FLYWCH1: variants seen among roughly 807,000 people sequenced by gnomAD.
FLYWCH1 encodes the protein FLYWCH-type zinc finger 1, also known as FLYWCH-type zinc finger-containing protein 1.
A neutral mutation model predicts 66.4 loss-of-function variants in FLYWCH1; 75 were observed. That is an observed-to-expected ratio of 1.13 (90% CI 0.94 to 1.37). The LOEUF is 1.37. FLYWCH1 is among the 40% of genes most tolerant of loss of function. The pLI, the probability that FLYWCH1 is intolerant of heterozygous loss-of-function variation, is 0.00. For missense variants in FLYWCH1, 1,334 were observed against 1,001.8 expected (o/e 1.33, Z -4.48); for synonymous variants, 595 against 429.9 (o/e 1.38, Z -4.75).
chr16:2,940,177 C>A, intron 9 of FLYWCH1, 85 bp downstream of exon 9: 1 of 722,954 alleles, frequency 1.4e-6, no homozygotes, highest in Non-Finnish European at 2.5e-6. Flanking sequence ...GCTGTCTCAG[C>A]TTTTGTGGGT....
intron 9 of FLYWCH1, chr16:2,943,426 G>C (rs1169190889): frequency 6.6e-6 from 1 of 151,638 alleles, no homozygotes; most frequent in Non-Finnish European, 1.5e-5. Flanking sequence ...TATGATGGTA[G>C]GCTAAGTCCT....
At position 2,949,753 on chromosome 16, in the gene FLYWCH1, G is replaced by C. The variant is rs1232788284; in HGVS notation, c.*1026G>C. On this transcript the variant is annotated 3_prime_UTR_variant, in exon 10 of 10. Transcript: ENST00000253928. ...TGCACTGCAAGGCTGTGACAGCCTG[G>C]GCACCCCTGCTTCTCCTCTGCTTGT... is the stretch of plus-strand genomic sequence containing the variant. 3 of 152,044 alleles carry C rather than the reference G, an allele frequency of 2.0e-5. No homozygotes were observed. Among genetic ancestry groups the C allele is most frequent in the Non-Finnish European group, 2.9e-5 (2 of 68,056 alleles). 9.4% of individuals were successfully genotyped at this position (152,044 alleles called of 1,614,324 possible).
intron 9 of FLYWCH1, among the ~76,000 whole-genome samples, chr16:2,945,714 G>C (rs1409017156): frequency 6.6e-6 from 1 of 150,836 alleles, no homozygotes; most frequent in African/African-American, 2.4e-5. Flanking sequence ...AAAGCTTATA[G>C]AGGCCGGGTG....
rs925558289 is a variant in FLYWCH1, at chr16:2,948,960, G to A, written c.*233G>A. Reference sequence around the variant, plus strand: ...GCGCTTGCAGACGCAGCTGTCGTGGGGCAGGGCGGTGGCGCCTTCCTGACC... The same window carrying A: ...GCGCTTGCAGACGCAGCTGTCGTGGAGCAGGGCGGTGGCGCCTTCCTGACC... On this transcript the variant is annotated 3_prime_UTR_variant, in exon 10 of 10. Coordinates refer to ENST00000253928, the MANE Select transcript of FLYWCH1 (RefSeq NM_001308068.2). 2.6e-5 allele frequency: 14 copies of A among 542,004 alleles called. No individual in the cohort carries two copies. The highest frequency in any genetic ancestry group is 1.0e-3 in the Middle Eastern group (2 of 1,954). 33.6% of individuals were successfully genotyped at this position (542,004 alleles called of 1,614,324 possible).
At chr16:2,933,676 C>A (rs761408539) in intron 5 of FLYWCH1, 40 bp from the exon 6 acceptor site, 7 of 1,592,292 alleles carry the variant, frequency 4.4e-6, no homozygotes, top group Admixed American at 1.7e-5. Context: ...GCCTACCCAG[C>A]CCCTGTCCCC....
chr16:2,942,301 C>T (rs1447897938), intron 9 of FLYWCH1, among the ~76,000 whole-genome samples: 2 of 152,058 alleles, frequency 1.3e-5, no homozygotes, highest in Non-Finnish European at 2.9e-5. Flanking sequence ...GCACGCACCA[C>T]CACGCCTGGC....
At chr16:2,939,846 TAGG>T (rs983070379) in intron 8 of FLYWCH1, 183 bp from the exon 9 acceptor site, 14 of 573,040 alleles carry the variant, frequency 2.4e-5, no homozygotes, top group Non-Finnish European at 3.8e-5. Flanking sequence ...GGTCAACTCT[TAGG>T]AGCTCAAGTA....
In FLYWCH1 at chr16:2,949,646, G is replaced by C. The variant is rs1196153061; in HGVS notation, c.*919G>C. 1 of 152,088 alleles carries C rather than the reference G, an allele frequency of 6.6e-6. No individual in the cohort carries two copies. The allele number at this position is 152,088 out of a possible 1,614,324, so 9.4% of individuals were successfully genotyped here. ...ACAAGGACCTGTCCGCAGCCGCGAG[G>C]TCCTTCACTCCCACCCTGTAATTGT... On this transcript the variant is annotated 3_prime_UTR_variant, in exon 10 of 10. Coordinates refer to ENST00000253928, the MANE Select transcript of FLYWCH1 (RefSeq NM_001308068.2).
chr16:2,937,933 C>T (rs1020180232), intron 7 of FLYWCH1, among the ~76,000 whole-genome samples: 2 of 152,106 alleles, frequency 1.3e-5, no homozygotes, highest in Non-Finnish European at 2.9e-5. Context: ...TTGGGAGAGT[C>T]CTTCAGGAGC....
chr16:2,915,183 G>A (rs1374923507), intron 2 of FLYWCH1: 2 of 150,770 alleles, frequency 1.3e-5, no homozygotes, highest in Admixed American at 6.6e-5. Context: ...TGTTGCCTAG[G>A]CTGGAGTGCA....
chr16:2,942,606 T>G (rs1013679120), intron 9 of FLYWCH1, among the ~76,000 whole-genome samples: 1 of 98,056 alleles, frequency 1.0e-5, no homozygotes, highest in African/African-American at 4.5e-5. Context: ...CAAGTAAGAT[T>G]TATCCCAGGA....
chr16:2,939,470 A>AAAAGAAAACAGCCTGGCCAAC (rs1567348429), intron 8 of FLYWCH1, among the ~76,000 whole-genome samples: 1 of 143,948 alleles, frequency 6.9e-6, no homozygotes, highest in Non-Finnish European at 1.6e-5. Flanking sequence ...AAAAGAGAAG[A>AAAAGAAAACAGCCTGGCCAAC]AAAGAAAACA....
At chr16:2,923,225 G>C in intron 2 of FLYWCH1, 1 of 323,990 alleles carries the variant, frequency 3.1e-6, no homozygotes, top group South Asian at 3.0e-5. Context: ...CGCTTTCAGC[G>C]CCATCTTGTG....
chr16:2,938,603 CTTTG>C, intron 8 of FLYWCH1, 147 bp downstream of exon 8: 1 of 376,176 alleles, frequency 2.7e-6, no homozygotes, highest in Non-Finnish European at 4.1e-6. Flanking sequence ...TGAAACCAGT[CTTTG>C]TTTTTTTTTT....
rs1272921514 is a variant in FLYWCH1, at chr16:2,930,829, G to A, written c.745G>A (p.Ala249Thr). The A allele has an allele frequency of 6.2e-7, 1 of 1,603,052 alleles. No individual in the cohort carries two copies. Among genetic ancestry groups the A allele is most frequent in the East Asian group, 2.2e-5 (1 of 44,740 alleles). The change falls in exon 4 of 10, where the codon GCC becomes ACC. Residue 249 changes from alanine to threonine, a missense_variant. Physicochemically the swap from Ala to Thr is moderately conservative, Grantham distance 58. Coordinates refer to ENST00000253928, the MANE Select transcript of FLYWCH1 (RefSeq NM_001308068.2). ...CCTGGAGGAGGAGGAGGCACCCCGA[G>A]CCCTGTCACTGCTGAGCCTGCCGCC... ...PALEEEEAPR[A>T]LSLLSLPPKK...
intron 2 of FLYWCH1, among the ~76,000 whole-genome samples, chr16:2,927,778 G>A (rs964057545): frequency 6.6e-6 from 1 of 152,218 alleles, no homozygotes; most frequent in Non-Finnish European, 1.5e-5. Context: ...GATATTTCTC[G>A]TCAGGTGGAG....
intron 1 of FLYWCH1, chr16:2,913,089 A>T (rs543560421): frequency 1.3e-5 from 2 of 152,368 alleles, no homozygotes; most frequent in African/African-American, 2.4e-5. Context: ...CTGATGATGC[A>T]CTAAGGCTGG....
intron 2 of FLYWCH1, among the ~76,000 whole-genome samples, 200 bp from the exon 3 acceptor site, chr16:2,929,413 T>C (rs1037033780): frequency 5.0e-5 from 5 of 99,628 alleles, no homozygotes; most frequent in African/African-American, 2.2e-4. Flanking sequence ...ATGGGGAAAG[T>C]GGGGTTGGAT....
chr16:2,921,116 C>T (rs1044399549), intron 2 of FLYWCH1, among the ~76,000 whole-genome samples: 2 of 152,204 alleles, frequency 1.3e-5, no homozygotes, highest in Non-Finnish European at 2.9e-5. Flanking sequence ...GCTGGGATTA[C>T]AGGCGTGAGC....
Sources: gnomAD v4.1 joint callset for allele counts (sites outside exome capture counted in the v4.1 genomes callset) on GRCh38, gnomAD v4.1.1 for gene constraint, MANE v1.5 for transcripts, NCBI Gene and HGNC (gene_info 2026-07-23, HGNC 2026-07-21) for gene names.